FLVCR2: variants seen among roughly 807,000 people sequenced by gnomAD.
The protein encoded by FLVCR2 is choline/ethanolamine transporter FLVCR2.
Under a neutral mutation model 48.9 loss-of-function variants are expected in FLVCR2, and 38 were observed. The ratio of observed to expected loss-of-function variants is 0.78; its 90% confidence interval spans 0.60 to 1.02. The LOEUF (loss-of-function observed/expected upper bound fraction) is 1.02. Ranked by LOEUF, FLVCR2 falls within the 50% of genes least tolerant of loss-of-function variation. The pLI, the probability that FLVCR2 is intolerant of heterozygous loss-of-function variation, is 0.00. For missense variants in FLVCR2, 664 were observed against 663.3 expected (o/e 1.00, Z -0.01); for synonymous variants, 255 against 257.0 (o/e 0.99, Z 0.07).
At chr14:75,642,829 T>A (rs553355412) in intron 9 of FLVCR2, among the ~76,000 whole-genome samples, 1 of 152,338 alleles carries the variant, frequency 6.6e-6, no homozygotes, top group South Asian at 2.1e-4. Flanking sequence ...TTTCACTTAT[T>A]GCAAGCACTT....
chr14:75,615,173 C>T (rs954634839), intron 1 of FLVCR2, among the ~76,000 whole-genome samples: 2 of 152,070 alleles, frequency 1.3e-5, no homozygotes, highest in Admixed American at 6.6e-5. Context: ...TCATGCAGGT[C>T]GGGCAGAGGA....
Position 75,641,900 on chromosome 14 carries a change from T to G in FLVCR2, c.1509+2T>G. ...GCAAACAAAGAAACTCTTGAGAACGTGAGTATATGGGAGCTTTGTGGGGCT... is the reference window on the plus strand; with the variant it reads ...GCAAACAAAGAAACTCTTGAGAACGGGAGTATATGGGAGCTTTGTGGGGCT... On this transcript the variant is annotated splice_donor_variant, in intron 9 of 9. Coordinates refer to ENST00000238667, the MANE Select transcript of FLVCR2 (RefSeq NM_017791.3). LOFTEE classifies it high-confidence loss of function. 1.9e-6 allele frequency: 3 copies of G among 1,613,700 alleles called. No individual in the cohort carries two copies. Among genetic ancestry groups the G allele is most frequent in the Non-Finnish European group, 2.5e-6 (3 of 1,179,656 alleles).
intron 1 of FLVCR2, among the ~76,000 whole-genome samples, chr14:75,601,285 T>C (rs1174960173): frequency 6.6e-6 from 1 of 152,274 alleles, no homozygotes. Flanking sequence ...GGGCCAGGTG[T>C]TCCTTGCCCT....
intron 1 of FLVCR2, among the ~76,000 whole-genome samples, chr14:75,617,302 A>C (rs532330332): frequency 1.3e-5 from 2 of 152,318 alleles, no homozygotes; most frequent in African/African-American, 4.8e-5. Context: ...GACGACATAG[A>C]CATGTTTTTA....
intron 1 of FLVCR2, among the ~76,000 whole-genome samples, chr14:75,621,657 G>A (rs183977014): frequency 1.1e-3 from 165 of 152,280 alleles, no homozygotes; most frequent in Admixed American, 3.5e-3. Flanking sequence ...TGGGCTTGCA[G>A]GGTATAGAAT....
intron 1 of FLVCR2, among the ~76,000 whole-genome samples, chr14:75,586,122 C>A (rs948084974): frequency 6.6e-6 from 1 of 152,226 alleles, no homozygotes; most frequent in Non-Finnish European, 1.5e-5. Flanking sequence ...GTGTGAGCAA[C>A]AAGGCTGCTT....
chr14:75,609,305 G>A (rs1457788525), intron 1 of FLVCR2, among the ~76,000 whole-genome samples: 2 of 152,142 alleles, frequency 1.3e-5, no homozygotes, highest in African/African-American at 4.8e-5. Context: ...GCAAATGTCA[G>A]CCCAAGTAGG....
At chr14:75,622,619 C>T (rs1421041085) in intron 2 of FLVCR2, among the ~76,000 whole-genome samples, 1 of 151,782 alleles carries the variant, frequency 6.6e-6, no homozygotes, top group Non-Finnish European at 1.5e-5. Flanking sequence ...TCCTATTTAA[C>T]AAAGAGAAAA....
intron 1 of FLVCR2, among the ~76,000 whole-genome samples, chr14:75,612,384 G>A (rs1889482188): frequency 6.6e-6 from 1 of 152,166 alleles, no homozygotes; most frequent in Non-Finnish European, 1.5e-5. Context: ...GGGGGCGGGA[G>A]CTTGAAGGAA....
chr14:75,641,356 A>T, intron 8 of FLVCR2, 63 bp downstream of exon 8: 1 of 1,040,704 alleles, frequency 9.6e-7, no homozygotes, highest in East Asian at 2.4e-5. Flanking sequence ...TAGTGTCTCG[A>T]TGGAGCAACA....
Position 75,578,942 on chromosome 14 carries a change from C to A in FLVCR2, c.-31C>A, listed in dbSNP as rs183899065. ...CTTAAGACTGCCGGAGTCCTCACCA[C>A]TTCTCCAGGATTCCAGAGGAGACTG... On this transcript the variant is annotated 5_prime_UTR_variant, in exon 1 of 10. Coordinates refer to ENST00000238667, the MANE Select transcript of FLVCR2 (RefSeq NM_017791.3). 3.5e-4 allele frequency: 570 copies of A among 1,610,914 alleles called. 1 individual carries two copies. The African/African-American group carries it at 6.9e-3, about 20-fold the overall frequency.
intron 1 of FLVCR2, among the ~76,000 whole-genome samples, chr14:75,583,591 G>A (rs1029907372): frequency 5.9e-5 from 9 of 152,138 alleles, no homozygotes; most frequent in Non-Finnish European, 8.8e-5. Context: ...GGAATGAGGT[G>A]TGGCTGTAGC....
chr14:75,633,929 C>T (rs897115944), intron 4 of FLVCR2, among the ~76,000 whole-genome samples: 1 of 151,318 alleles, frequency 6.6e-6, no homozygotes, highest in African/African-American at 2.4e-5. Flanking sequence ...TGTTTCTGAG[C>T]TCTCATTTTT....
chr14:75,609,343 T>C (rs1458129228), intron 1 of FLVCR2, among the ~76,000 whole-genome samples: 3 of 152,132 alleles, frequency 2.0e-5, no homozygotes, highest in Non-Finnish European at 4.4e-5. Context: ...AGCAGGATAT[T>C]AGGAGATGTT....
intron 3 of FLVCR2, chr14:75,632,772 G>A: frequency 1.4e-6 from 1 of 702,252 alleles, no homozygotes; most frequent in Non-Finnish European, 2.6e-6. Flanking sequence ...TGGGCATTAT[G>A]GAGTGGCAGT....
chr14:75,610,475 A>G (rs1005125488), intron 1 of FLVCR2, among the ~76,000 whole-genome samples: 3 of 152,106 alleles, frequency 2.0e-5, no homozygotes, highest in Non-Finnish European at 4.4e-5. Context: ...TAATCAGAAA[A>G]CTTTCCTTGT....
intron 1 of FLVCR2, chr14:75,595,854 CT>C: frequency 1.0e-6 from 1 of 996,872 alleles, no homozygotes; most frequent in Non-Finnish European, 1.6e-6. Context: ...TGCAGTCCCC[CT>C]GACTTTCCTC....
At chr14:75,581,144 C>A (rs57687705) in intron 1 of FLVCR2, among the ~76,000 whole-genome samples, 1 of 151,808 alleles carries the variant, frequency 6.6e-6, no homozygotes, top group African/African-American at 2.4e-5. Flanking sequence ...TTAGAAGAAA[C>A]ATTGGTCGTA....
At chr14:75,583,098 G>A (rs889563420) in intron 1 of FLVCR2, among the ~76,000 whole-genome samples, 4 of 152,196 alleles carry the variant, frequency 2.6e-5, no homozygotes, top group Non-Finnish European at 4.4e-5. Flanking sequence ...AAGTGAAAGC[G>A]AAGAGAGGCT....
Sources: gnomAD v4.1 joint callset for allele counts (sites outside exome capture counted in the v4.1 genomes callset) on GRCh38, gnomAD v4.1.1 for gene constraint, MANE v1.5 for transcripts, NCBI Gene and HGNC (gene_info 2026-07-23, HGNC 2026-07-21) for gene names.